The following TRPC3 variants were observed in gnomAD, a reference collection of about 807,000 sequenced individuals.
TRPC3 encodes the protein transient receptor potential cation channel subfamily C member 3, also known as short transient receptor potential channel 3.
TRPC3 carries 54 observed loss-of-function variants against 90.9 expected under a neutral mutation model. The observed-to-expected ratio is 0.59, with a 90% CI of 0.48 to 0.75. TRPC3 has a LOEUF of 0.75. Ranked by LOEUF, TRPC3 falls within the 30% of genes least tolerant of loss-of-function variation. TRPC3 has a pLI of 0.00. For synonymous variants in TRPC3, 424 were observed against 450.9 expected, an observed-to-expected ratio of 0.94 and a Z score of 0.75; for missense variants, 918 against 1,194.5, an observed-to-expected ratio of 0.77 and a Z score of 3.41.
chr4:121,887,933 T>G (rs1336219336), intron 10 of TRPC3, among the ~76,000 whole-genome samples: 1 of 152,158 alleles, frequency 6.6e-6, no homozygotes, highest in South Asian at 2.1e-4. Flanking sequence ...ATAAAAGAAT[T>G]ACTTCAACAT....
chr4:121,907,281 T>A, intron 7 of TRPC3, 22 bp downstream of exon 7: 1 of 1,588,066 alleles, frequency 6.3e-7, no homozygotes, highest in Non-Finnish European at 8.6e-7. Context: ...ATCATACCTG[T>A]ATAATAAGAT....
intron 2 of TRPC3, chr4:121,930,851 A>C (rs1729884397): frequency 1.0e-5 from 4 of 398,440 alleles, no homozygotes; most frequent in South Asian, 1.9e-5. Context: ...AAAAAAAAAA[A>C]AACATTTTGG....
intron 1 of TRPC3, among the ~76,000 whole-genome samples, chr4:121,950,267 TGC>T (rs145488981): frequency 0.012 from 1,775 of 152,334 alleles, 47 homozygotes; most frequent in African/African-American, 0.041. Flanking sequence ...GCGCAGACTC[TGC>T]GCGCGCGGAG....
At position 121,914,882 on chromosome 4, in the gene TRPC3, G is replaced by A. The variant is rs749673420; in HGVS notation, c.1239C>T (p.Gly413=). 1.2e-6 allele frequency: 2 copies of A among 1,613,586 alleles called. No individual in the cohort carries two copies. The highest frequency in any genetic ancestry group is 1.1e-5 in the South Asian group (1 of 91,006). The change falls in exon 4 of 12, where the codon GGC becomes GGT. Residue 413 remains glycine, a synonymous_variant. Coordinates refer to ENST00000379645, the MANE Select transcript of TRPC3 (RefSeq NM_001130698.2). ...TGATAGCTATGGTCTGCTCCCTTAG[G>A]CCTGAGAGGTTCTCATACCAGATCG... ...LLTIWYENLS[G]LREQTIAIKC... is the part of the protein sequence containing the mutation.
rs530705810 is a variant in TRPC3, at chr4:121,907,649, C to G, written c.1793-82G>C. 9 of 1,448,606 alleles carry G rather than the reference C, an allele frequency of 6.2e-6. No individual in the cohort carries two copies. The African/African-American group carries it at 1.3e-4, about 21-fold the overall frequency. The allele number at this position is 1,448,606 out of a possible 1,614,324, so 89.7% of individuals were successfully genotyped here. ...GCAAAGCAAATACCTTAAATAGGATCTATCTTGTAGGTAGGTGGTTACCAT... is the reference window on the plus strand; with the variant it reads ...GCAAAGCAAATACCTTAAATAGGATGTATCTTGTAGGTAGGTGGTTACCAT... On this transcript the variant is annotated intron_variant, in intron 6 of 11. Transcript: ENST00000379645.
At chr4:121,922,371 T>C (rs1247632102) in intron 3 of TRPC3, among the ~76,000 whole-genome samples, 1 of 152,236 alleles carries the variant, frequency 6.6e-6, no homozygotes, top group Non-Finnish European at 1.5e-5. Flanking sequence ...ATACAGTTAT[T>C]GAGTGAAGAT....
chr4:121,890,341 T>C (rs1485316577), intron 10 of TRPC3, among the ~76,000 whole-genome samples: 1 of 152,118 alleles, frequency 6.6e-6, no homozygotes, highest in Non-Finnish European at 1.5e-5. Flanking sequence ...AACAAAGAAA[T>C]GATAAATGAA....
At chr4:121,880,135 A>C (rs1305482424) in intron 11 of TRPC3, among the ~76,000 whole-genome samples, 1 of 152,186 alleles carries the variant, frequency 6.6e-6, no homozygotes, top group Non-Finnish European at 1.5e-5. Context: ...TTGTTGACCT[A>C]CATTTTAACA....
chr4:121,941,796 A>C (rs1730324276), intron 1 of TRPC3, among the ~76,000 whole-genome samples: 1 of 152,174 alleles, frequency 6.6e-6, no homozygotes, highest in Non-Finnish European at 1.5e-5. Flanking sequence ...ATCATCAAAA[A>C]CACACATTTT....
Position 121,903,130 on chromosome 4 carries a change from GT to G in TRPC3, c.2254-70del. 6 of 1,392,922 alleles carry G rather than the reference GT, an allele frequency of 4.3e-6. No individual in the cohort carries two copies. The South Asian group carries it at 7.1e-5, about 16-fold the overall frequency. The allele number at this position is 1,392,922 out of a possible 1,614,324, so 86.3% of individuals were successfully genotyped here. ...ATATTCTAGTGACTGTTGCTAATAG[GT>G]TTTTTACAATGAATCTAAGTTACGT... On this transcript the variant is annotated intron_variant, in intron 8 of 11. Transcript: ENST00000379645.
intron 1 of TRPC3, among the ~76,000 whole-genome samples, chr4:121,934,327 C>T (rs932980616): frequency 6.6e-6 from 1 of 152,184 alleles, no homozygotes; most frequent in Non-Finnish European, 1.5e-5. Flanking sequence ...AACATCGTGA[C>T]TATCTATAAT....
In TRPC3 at chr4:121,878,500, G is replaced by T. The variant is rs1167623894; in HGVS notation, c.*1236C>A. On this transcript the variant is annotated 3_prime_UTR_variant, in exon 12 of 12. Coordinates refer to ENST00000379645, the MANE Select transcript of TRPC3 (RefSeq NM_001130698.2). ...CTCTATGAGAGATTTAAACCTAGCT[G>T]GTTAAAAAATGCTTTGAGTGTTTTA... Among the ~76,000 whole-genome samples, 1 of 152,140 alleles carries T rather than the reference G, an allele frequency of 6.6e-6. No homozygotes were observed. The highest frequency in any genetic ancestry group is 6.6e-5 in the Admixed American group (1 of 15,266).
At chr4:121,910,082 G>T in intron 6 of TRPC3, 72 bp downstream of exon 6, 1 of 1,153,706 alleles carries the variant, frequency 8.7e-7, no homozygotes, top group Non-Finnish European at 1.3e-6. Context: ...TACTCCAATT[G>T]GCATTTCCTT....
Position 121,875,344 on chromosome 4 carries a change from A to C in TRPC3, c.*4392T>G, listed in dbSNP as rs758185598. On this transcript the variant is annotated 3_prime_UTR_variant, in exon 12 of 12. Transcript: ENST00000379645. ...GATATTTGGAATTCTTTGATTTTGCATCTAAAAATGCAATTTATTATTTTT... is the reference window on the plus strand; with the variant it reads ...GATATTTGGAATTCTTTGATTTTGCCTCTAAAAATGCAATTTATTATTTTT... Among the ~76,000 whole-genome samples, 9 of 152,248 alleles carry C rather than the reference A, an allele frequency of 5.9e-5. No homozygotes were observed. Among genetic ancestry groups the C allele is most frequent in the Non-Finnish European group, 1.0e-4 (7 of 68,042 alleles).
chr4:121,891,483 G>A (rs1728328089), intron 10 of TRPC3, among the ~76,000 whole-genome samples: 2 of 152,114 alleles, frequency 1.3e-5, no homozygotes. Context: ...GTAGTGAAGT[G>A]GATCAGAATA....
chr4:121,929,609 C>T (rs901925787), intron 2 of TRPC3, among the ~76,000 whole-genome samples: 4 of 152,110 alleles, frequency 2.6e-5, no homozygotes, highest in Non-Finnish European at 5.9e-5. Context: ...CCGAGCTATC[C>T]TCCATTAATT....
intron 1 of TRPC3, among the ~76,000 whole-genome samples, chr4:121,947,364 C>G (rs1431256382): frequency 6.6e-6 from 1 of 152,042 alleles, no homozygotes; most frequent in African/African-American, 2.4e-5. Context: ...CTTGGAGAAT[C>G]TGATTCCCTC....
Position 121,910,292 on chromosome 4 carries a change from T to C in TRPC3, c.1654A>G (p.Ile552Val). 2 of 1,613,782 alleles carry C rather than the reference T, an allele frequency of 1.2e-6. No individual in the cohort carries two copies. Among genetic ancestry groups the C allele is most frequent in the Non-Finnish European group, 1.7e-6 (2 of 1,179,718 alleles). The change falls in exon 6 of 12, where the codon ATC becomes GTC. Residue 552 changes from isoleucine (I) to valine (V), a missense_variant. Physicochemically the swap from Ile to Val is conservative, Grantham distance 29. Coordinates refer to ENST00000379645, the MANE Select transcript of TRPC3 (RefSeq NM_001130698.2). ...CTGGCTGTGAAAGCAGCAATGAAGA[T>C]GGACAGCATCCCAAAGTCAAGCACA... is the stretch of plus-strand genomic sequence containing the variant. ...WNVLDFGMLS[I>V]FIAAFTARFL...
Position 121,911,915 on chromosome 4 carries a change from A to G in TRPC3, c.1520T>C (p.Phe507Ser). 6.2e-7 allele frequency: 1 copy of G among 1,613,804 alleles called. No individual in the cohort carries two copies. Among genetic ancestry groups the G allele is most frequent in the Non-Finnish European group, 8.5e-7 (1 of 1,179,764 alleles). Residue 507 changes from phenylalanine (F) to serine (S), a missense_variant, in exon 5 of 12, where the codon TTT becomes TCT. This residue lies in a region of TRPC3 where 609 missense variants were observed against 725.9 expected (regional missense o/e 0.84). Coordinates refer to ENST00000379645, the MANE Select transcript of TRPC3 (RefSeq NM_001130698.2). ...CATAATTAGCATTTCAGTCCATGTA[A>G]ACTGGGTGGTTTTCACCCTGAAGAT... ...KQIFRVKTTQFTWTEMLIMVW... is the reference protein window; with the variant it reads ...KQIFRVKTTQSTWTEMLIMVW...
Sources: allele counts gnomAD v4.1 joint callset (sites outside exome capture counted in the v4.1 genomes callset), GRCh38; gene constraint gnomAD v4.1.1; regional missense constraint gnomAD v4.1.1; transcripts MANE v1.5; gene names NCBI Gene and HGNC (gene_info 2026-07-23, HGNC 2026-07-21).